PLCH2: variants seen among roughly 807,000 people sequenced by gnomAD.
The protein encoded by PLCH2 is 1-phosphatidylinositol 4,5-bisphosphate phosphodiesterase eta-2.
A neutral mutation model predicts 134.7 loss-of-function variants in PLCH2; 98 were observed. That is an observed-to-expected ratio of 0.73 (90% CI 0.62 to 0.86). The LOEUF is 0.86. Among genes scored for constraint, PLCH2 ranks in the 40% least tolerant of loss-of-function variants. The pLI is 0.00. For missense variants in PLCH2, 1,994 were observed against 1,986.6 expected (o/e 1.00, Z -0.07); for synonymous variants, 974 against 827.5 (o/e 1.18, Z -3.04).
chr1:2,484,008 G>C (rs112353831), intron 4 of PLCH2, among the ~76,000 whole-genome samples: 1,558 of 22,082 alleles, frequency 0.071, 476 homozygotes, highest in African/African-American at 0.11. Flanking sequence ...CTCCCGTGTG[G>C]GGGGGCGCTG....
At chr1:2,468,697 C>T (rs1641187593) in intron 1 of PLCH2, among the ~76,000 whole-genome samples, 1 of 152,230 alleles carries the variant, frequency 6.6e-6, no homozygotes, top group Admixed American at 6.5e-5. Flanking sequence ...TTGGAACCTG[C>T]TTGTTCTGCC....
upstream of PLCH2, among the ~76,000 whole-genome samples, chr1:2,472,063 C>T (rs975005426): frequency 6.6e-6 from 1 of 152,172 alleles, no homozygotes; most frequent in Non-Finnish European, 1.5e-5. Context: ...GCTGGGACCC[C>T]TCAGGCCCAG....
chr1:2,443,519 G>A (rs1354227019), intron 2 of PLCH2, among the ~76,000 whole-genome samples: 1 of 152,128 alleles, frequency 6.6e-6, no homozygotes, highest in African/African-American at 2.4e-5. Context: ...AGGGGGAGGT[G>A]TGGGGAGCGG....
Position 2,503,950 on chromosome 1 carries a change from A to T in PLCH2, c.2988A>T (p.Pro996=). The T allele has an allele frequency of 1.3e-6, 1 of 781,580 alleles. No individual in the cohort carries two copies. Among genetic ancestry groups the T allele is most frequent in the Non-Finnish European group, 1.6e-6 (1 of 627,404 alleles). The allele number at this position is 781,580 out of a possible 1,614,324, so 48.4% of individuals were successfully genotyped here. Residue 996 remains proline, a synonymous_variant, in exon 22 of 22, where the codon CCA becomes CCT. Coordinates refer to ENST00000378486, the MANE Select transcript of PLCH2 (RefSeq NM_014638.4). ...RDTRPLSTQR[P]LPPLCSLETI... is the part of the protein sequence containing the mutation. ...CCCGCCCCCTCTCCACGCAGCGGCC[A>T]CTCCCCCCACTGTGCAGCCTGGAAA...
At chr1:2,491,073 G>A in intron 10 of PLCH2, 119 bp from the exon 11 acceptor site, 1 of 993,570 alleles carries the variant, frequency 1.0e-6, no homozygotes, top group Non-Finnish European at 1.5e-6. Context: ...GCCCTGAGGT[G>A]AATCACACGC....
chr1:2,492,945 C>T (rs1272331144), intron 11 of PLCH2, among the ~76,000 whole-genome samples: 2 of 152,244 alleles, frequency 1.3e-5, no homozygotes, highest in East Asian at 3.9e-4. Context: ...AAGCTGAGCA[C>T]AACCCGGTGA....
Position 2,495,539 on chromosome 1 carries a change from G to A in PLCH2, c.1804G>A (p.Gly602Ser), listed in dbSNP as rs765221485. The A allele has an allele frequency of 6.4e-7, 1 of 1,551,540 alleles. No homozygotes were observed. Among genetic ancestry groups the A allele is most frequent in the South Asian group, 1.2e-5 (1 of 83,980 alleles). Residue 602 changes from glycine (G) to serine (S), a missense_variant, in exon 13 of 22, where the codon GGT (glycine) becomes AGT (serine). Gly to Ser is a moderately conservative substitution (Grantham distance 56). Transcript: ENST00000378486. ...KAASVEEGDE[G>S]QDSPGGQSRG... The stretch of plus-strand genomic sequence containing the variant: ...GGCCAGCGTGGAGGAGGGAGATGAG[G>A]GTCAGGACTCCCCGGGAGGCCAGAG...
intron 19 of PLCH2, 69 bp from the exon 20 acceptor site, chr1:2,499,572 G>T: frequency 8.5e-7 from 1 of 1,177,116 alleles, no homozygotes; most frequent in East Asian, 2.5e-5. Context: ...TAAGTAGAAT[G>T]GGGGGCAGAG....
chr1:2,477,456 G>A lies in PLCH2; in HGVS notation c.124+744G>A, dbSNP rs139008766. The stretch of plus-strand genomic sequence containing the variant: ...AGTACTGCCCTTGGTCCTCTACAAC[G>A]CCCCCGCCAGGGTCCCTCAGCGTGC... On this transcript the variant is annotated intron_variant, in intron 1 of 21. Coordinates refer to ENST00000378486, the MANE Select transcript of PLCH2 (RefSeq NM_014638.4). 7.0e-3 allele frequency among the ~76,000 whole-genome samples: 1,066 copies of A among 152,250 alleles called. 15 individuals carry two copies. The highest frequency in any genetic ancestry group is 0.021 in the African/African-American group (866 of 41,534).
chr1:2,465,597 G>A (rs376617998), upstream of PLCH2, among the ~76,000 whole-genome samples: 1 of 152,140 alleles, frequency 6.6e-6, no homozygotes, highest in Non-Finnish European at 1.5e-5. Flanking sequence ...CCCGCCACCT[G>A]CCACCCGCCG....
rs556332156 is a variant in PLCH2 at position 2,496,243 on chromosome 1, C to T, written c.1836-364C>T. ...CTGCCACCCGGCCGACACGGAGGCC[C>T]CCTTGGACCCTGGCCTCCTCTCCAC... On this transcript the variant is annotated intron_variant, in intron 13 of 21. Transcript: ENST00000378486. 3.9e-5 allele frequency among the ~76,000 whole-genome samples: 6 copies of T among 152,290 alleles called. No individual in the cohort carries two copies. In the East Asian group the frequency reaches 1.2e-3, roughly 29 times the overall value.
rs1643037043 is a variant in PLCH2 at position 2,498,710 on chromosome 1, G to A, written c.2350-34G>A. The A allele has an allele frequency of 6.3e-7, 1 of 1,578,314 alleles. No individual in the cohort carries two copies. The highest frequency in any genetic ancestry group is 1.1e-5 in the South Asian group (1 of 87,350). On this transcript the variant is annotated intron_variant, in intron 17 of 21. Transcript: ENST00000378486. The surrounding 1 kb of genome is among the most constrained non-coding windows in gnomAD (Gnocchi z 5.4). ...TTGGGGGCGGGCCGGGCATCGCGAT[G>A]GGCCCTGATGCCACCCCCACTCCTG...
intron 20 of PLCH2, 119 bp from the exon 21 acceptor site, chr1:2,501,993 C>A (rs539782461): frequency 1.1e-6 from 1 of 945,358 alleles, no homozygotes; most frequent in Non-Finnish European, 1.5e-6. Flanking sequence ...TGGCCCAGCC[C>A]CTCGGACCGA....
Position 2,468,043 on chromosome 1 carries a change from C to T in PLCH2, c.43+381C>T, listed in dbSNP as rs138771285. Among the ~76,000 whole-genome samples, 1,253 of 152,346 alleles carry T rather than the reference C, an allele frequency of 8.2e-3. 9 individuals carry two copies. Among genetic ancestry groups the T allele is most frequent in the Non-Finnish European group, 0.013 (907 of 68,024 alleles). On this transcript the variant is annotated intron_variant, in intron 1 of 21. Transcript: ENST00000449969. ...TGCCAGCACGGGTCCTGACCTCCAGCTTGATCCCAGCGGATGCACACTGCT... is the reference window on the plus strand; with the variant it reads ...TGCCAGCACGGGTCCTGACCTCCAGTTTGATCCCAGCGGATGCACACTGCT...
chr1:2,452,666 C>T (rs1295844573), intron 2 of PLCH2, among the ~76,000 whole-genome samples: 1 of 152,194 alleles, frequency 6.6e-6, no homozygotes, highest in Non-Finnish European at 1.5e-5. Context: ...AATTCACAGG[C>T]CCTGGGGACA....
chr1:2,504,362 C>T lies in PLCH2; in HGVS notation c.3400C>T (p.Leu1134=), dbSNP rs1438655900. The part of the protein sequence containing the change: ...ATGSDPLWQR[L]EPCGHRDSVS... ...GGGCAGTGACCCGCTGTGGCAGCGG[C>T]TGGAGCCATGTGGCCACCGAGACAG... The change falls in exon 22 of 22, where the codon CTG becomes TTG. Residue 1134 remains leucine, a synonymous_variant. Transcript: ENST00000378486. 2 of 1,610,976 alleles carry T rather than the reference C, an allele frequency of 1.2e-6. No individual in the cohort carries two copies. Among genetic ancestry groups the T allele is most frequent in the African/African-American group, 2.7e-5 (2 of 75,002 alleles).
intron 10 of PLCH2, among the ~76,000 whole-genome samples, chr1:2,490,668 C>G (rs967244518): frequency 4.6e-5 from 7 of 152,252 alleles, no homozygotes; most frequent in Admixed American, 2.6e-4. Flanking sequence ...GCACACGCCT[C>G]TGTGTGGCCC....
chr1:2,499,859 C>T (rs1171476771), intron 20 of PLCH2, 139 bp downstream of exon 20: 1 of 688,890 alleles, frequency 1.5e-6, no homozygotes, highest in Admixed American at 2.1e-5. Context: ...GGCCTCTGCT[C>T]CTCTATCTCA....
At chr1:2,503,713 G>A (rs550682356) in intron 21 of PLCH2, 35 of 630,850 alleles carry the variant, frequency 5.5e-5, no homozygotes, top group East Asian at 1.1e-4. Flanking sequence ...GGCACAGGGC[G>A]TGGACTGGGC....
Sources: gnomAD v4.1 joint callset for allele counts (sites outside exome capture counted in the v4.1 genomes callset) on GRCh38, gnomAD v4.1.1 for gene constraint, Gnocchi (gnomAD v3.1) non-coding constraint, MANE v1.5 for transcripts, NCBI Gene and HGNC (gene_info 2026-07-23, HGNC 2026-07-21) for gene names.